Variants in KDM4B observed in about 807,000 individuals in gnomAD.
KDM4B encodes the protein lysine demethylase 4B.
KDM4B carries 32 observed loss-of-function variants against 125.2 expected under a neutral mutation model. The ratio of observed to expected loss-of-function variants is 0.26; its 90% CI spans 0.19 to 0.34. The LOEUF (loss-of-function observed/expected upper bound fraction) is 0.34, where lower values mean the gene tolerates loss of function less well. KDM4B is among the 10% of genes least tolerant of loss of function. KDM4B has a pLI of 1.00. For synonymous variants in KDM4B, 721 were observed against 677.9 expected, an observed-to-expected ratio of 1.06 and a Z score of -0.99; for missense variants, 1,190 against 1,577.7, an observed-to-expected ratio of 0.75 and a Z score of 4.16.
chr19:4,986,239 C>T (rs73921819), intron 1 of KDM4B, among the ~76,000 whole-genome samples: 1,615 of 152,300 alleles, frequency 0.011, 37 homozygotes, highest in African/African-American at 0.037. Context: ...GAGCCACATT[C>T]GGGGCAGCGC....
intron 1 of KDM4B, among the ~76,000 whole-genome samples, chr19:4,992,731 A>G (rs1240362516): frequency 6.6e-6 from 1 of 152,192 alleles, no homozygotes; most frequent in Non-Finnish European, 1.5e-5. Context: ...GATTACAGGC[A>G]TGAGCCACTG....
At chr19:5,003,477 G>A (rs1206059357) in intron 1 of KDM4B, among the ~76,000 whole-genome samples, 2 of 149,650 alleles carry the variant, frequency 1.3e-5, no homozygotes, top group East Asian at 2.1e-4. Flanking sequence ...GCAAGACTCT[G>A]TCTCAAAATA....
At chr19:5,119,597 C>T in intron 10 of KDM4B, 56 bp from the exon 11 acceptor site, 10 of 1,491,588 alleles carry the variant, frequency 6.7e-6, no homozygotes, top group Non-Finnish European at 9.1e-6. Flanking sequence ...AGTGCACAGA[C>T]CTAGGGCTCT....
Position 5,081,306 on chromosome 19 carries a change from T to G in KDM4B, c.781-1061T>G, listed in dbSNP as rs1267215418. 6.6e-6 allele frequency among the ~76,000 whole-genome samples: 1 copy of G among 151,934 alleles called. No individual in the cohort carries two copies. Among genetic ancestry groups the G allele is most frequent in the Non-Finnish European group, 1.5e-5 (1 of 67,978 alleles). On this transcript the variant is annotated intron_variant, in intron 8 of 22. Coordinates refer to ENST00000159111, the MANE Select transcript of KDM4B (RefSeq NM_015015.3). This position sits in a 1 kb window ranked among gnomAD's most constrained non-coding sequence, Gnocchi z 4.2. ...AGCAGGTGGGAGCCATCACTCCAAA[T>G]TTGTTGTTGATCTTTCTGGATGGTC...
intron 6 of KDM4B, among the ~76,000 whole-genome samples, chr19:5,051,886 G>A (rs1339411231): frequency 2.6e-5 from 4 of 152,316 alleles, no homozygotes; most frequent in Non-Finnish European, 5.9e-5. Flanking sequence ...TCAGGGGATC[G>A]CTCCGCCCAC....
chr19:5,048,136 G>A (rs2037088179), intron 6 of KDM4B, among the ~76,000 whole-genome samples: 1 of 152,226 alleles, frequency 6.6e-6, no homozygotes, highest in Non-Finnish European at 1.5e-5. Flanking sequence ...ACAGTTAGGA[G>A]GGCAGGGCGT....
At chr19:5,014,805 C>T (rs1054899901) in intron 1 of KDM4B, among the ~76,000 whole-genome samples, 2 of 151,872 alleles carry the variant, frequency 1.3e-5, no homozygotes, top group African/African-American at 2.4e-5. Context: ...ACCAGCTTGG[C>T]CAGCATGGTG....
intron 2 of KDM4B, among the ~76,000 whole-genome samples, chr19:5,028,519 G>T (rs565727653): frequency 6.6e-6 from 1 of 152,332 alleles, no homozygotes; most frequent in South Asian, 2.1e-4. Context: ...TGGCTGTTGG[G>T]AATTGTGCTT....
intron 5 of KDM4B, among the ~76,000 whole-genome samples, chr19:5,041,824 G>A (rs1279370590): frequency 1.3e-5 from 2 of 152,266 alleles, no homozygotes; most frequent in South Asian, 2.1e-4. Flanking sequence ...GTGGGCCTGC[G>A]TGGCGGGTGT....
At chr19:5,068,046 C>T (rs888084273) in intron 6 of KDM4B, among the ~76,000 whole-genome samples, 3 of 151,810 alleles carry the variant, frequency 2.0e-5, no homozygotes, top group African/African-American at 4.8e-5. Context: ...CCCCCTGCCT[C>T]GAGCTTTAGT....
At chr19:5,111,774 G>T in intron 10 of KDM4B, 1 of 765,214 alleles carries the variant, frequency 1.3e-6, no homozygotes, top group Non-Finnish European at 2.4e-6. Context: ...CGACTTTGCA[G>T]GCCAGGCCTC....
rs1172859352 is a variant in KDM4B, at chr19:5,119,711, G to T, written c.1174G>T (p.Gly392Trp). ...KPKPEDPKFP[G>W]EGTAGAALLE... ...GAAGCCCGAAGACCCCAAGTTCCCT[G>T]GGGAGGGTACGGCTGGGGCAGCGCT... Residue 392 changes from glycine to tryptophan, a missense_variant, in exon 11 of 23, where the codon GGG (glycine) becomes TGG (tryptophan). By Grantham distance (184) the Gly-to-Trp change is radical (BLOSUM62 -2). This residue lies in a region of KDM4B where 428 missense variants were observed against 405.1 expected (regional missense o/e 1.06). Coordinates refer to ENST00000159111, the MANE Select transcript of KDM4B (RefSeq NM_015015.3). The T allele has an allele frequency of 6.4e-7, 1 of 1,553,774 alleles. No individual in the cohort carries two copies. Among genetic ancestry groups the T allele is most frequent in the East Asian group, 2.4e-5 (1 of 41,134 alleles).
chr19:5,028,538 G>A (rs1188271860), intron 2 of KDM4B, among the ~76,000 whole-genome samples: 2 of 152,226 alleles, frequency 1.3e-5, no homozygotes, highest in Admixed American at 6.5e-5. Context: ...TTCTGCAGAC[G>A]TGGTGTACAC....
chr19:5,001,062 T>G (rs2035368641), intron 1 of KDM4B, among the ~76,000 whole-genome samples: 1 of 151,856 alleles, frequency 6.6e-6, no homozygotes, highest in Non-Finnish European at 1.5e-5. Context: ...GACAGAGTCT[T>G]TCTCTGTTGC....
Position 5,152,647 on chromosome 19 carries a change from T to A in KDM4B, c.*1136T>A, listed in dbSNP as rs2039968813. On this transcript the variant is annotated 3_prime_UTR_variant, in exon 23 of 23. Coordinates refer to ENST00000159111, the MANE Select transcript of KDM4B (RefSeq NM_015015.3). Reference sequence around the variant, plus strand: ...CTGTCACCTGAGGGGAATCTGCTTCTTAGGAGTGGGTTGAGCTGATAGAGA... The same window carrying A: ...CTGTCACCTGAGGGGAATCTGCTTCATAGGAGTGGGTTGAGCTGATAGAGA... 1 of 152,214 alleles carries A rather than the reference T, an allele frequency of 6.6e-6. No homozygotes were observed. The highest frequency in any genetic ancestry group is 2.4e-5 in the African/African-American group (1 of 41,448). 9.4% of individuals were successfully genotyped at this position (152,214 alleles called of 1,614,324 possible).
At chr19:5,091,197 A>C (rs556019888) in intron 9 of KDM4B, among the ~76,000 whole-genome samples, 1 of 152,312 alleles carries the variant, frequency 6.6e-6, no homozygotes, top group South Asian at 2.1e-4. Flanking sequence ...CTGGTAGATA[A>C]GGGTCTCTCC....
At chr19:5,145,268 A>T (rs2039822374) in intron 21 of KDM4B, among the ~76,000 whole-genome samples, 1 of 150,604 alleles carries the variant, frequency 6.6e-6, no homozygotes. Context: ...ATGACTGTGG[A>T]AGAGGAATTA....
intron 6 of KDM4B, among the ~76,000 whole-genome samples, chr19:5,063,278 AT>A (rs1226357774): frequency 1.3e-5 from 2 of 152,042 alleles, no homozygotes; most frequent in Non-Finnish European, 2.9e-5. Context: ...TGTATTTAGG[AT>A]TTTTACATCC....
intron 2 of KDM4B, among the ~76,000 whole-genome samples, chr19:5,023,431 C>G (rs1048530889): frequency 2.6e-5 from 4 of 152,216 alleles, no homozygotes; most frequent in Non-Finnish European, 5.9e-5. Flanking sequence ...TCTCGTGCTG[C>G]CTCTGTGGCC....
Sources: gnomAD v4.1 joint callset for allele counts (sites outside exome capture counted in the v4.1 genomes callset) on GRCh38, gnomAD v4.1.1 for gene constraint, gnomAD v4.1.1 regional missense constraint, Gnocchi (gnomAD v3.1) non-coding constraint, MANE v1.5 for transcripts, NCBI Gene and HGNC (gene_info 2026-07-23, HGNC 2026-07-21) for gene names.